Variants in SNAPC1 observed in about 807,000 individuals in gnomAD.
SNAPC1 encodes the protein small nuclear RNA activating complex polypeptide 1.
A neutral mutation model predicts 50.1 loss-of-function variants in SNAPC1; 42 were observed. That is an observed-to-expected ratio of 0.84 (90% CI 0.65 to 1.08). The LOEUF is 1.08. Ranked by LOEUF, SNAPC1 falls within the 50% of genes least tolerant of loss-of-function variation. The probability of loss-of-function intolerance (pLI) is 0.00; values close to 1 mark genes in which losing one functional copy is unlikely to be tolerated. For missense variants in SNAPC1, 477 were observed against 427.3 expected, an observed-to-expected ratio of 1.12 and a Z score of -1.02; for synonymous variants, 164 against 144.2, an observed-to-expected ratio of 1.14 and a Z score of -0.98.
chr14:61,791,346 A>G (rs182573327), intron 8 of SNAPC1, among the ~76,000 whole-genome samples: 7 of 152,308 alleles, frequency 4.6e-5, no homozygotes, highest in East Asian at 1.9e-4. Flanking sequence ...ATTTTTTGCT[A>G]TCTTTCTCAA....
chr14:61,792,159 C>T (rs190544332), intron 8 of SNAPC1, among the ~76,000 whole-genome samples: 350 of 148,744 alleles, frequency 2.4e-3, no homozygotes, highest in Middle Eastern at 0.018. Context: ...AGTGTTGGGG[C>T]AAAGAAAAAC....
chr14:61,777,684 A>T (rs1193242427), intron 5 of SNAPC1, among the ~76,000 whole-genome samples: 1 of 150,764 alleles, frequency 6.6e-6, no homozygotes, highest in Non-Finnish European at 1.5e-5. Flanking sequence ...GCCTCAAGCG[A>T]TCCTCCCACC....
chr14:61,795,104 A>G lies in SNAPC1; in HGVS notation c.*121A>G. ...AAATCCTTCTGGGAATCTGTAGGTT[A>G]TTTCTTGGAAATTGCAATACGTAGT... is the stretch of plus-strand genomic sequence containing the variant. On this transcript the variant is annotated 3_prime_UTR_variant, in exon 10 of 10. Transcript: ENST00000216294. The G allele has an allele frequency of 1.6e-6, 1 of 629,342 alleles. No individual in the cohort carries two copies. The highest frequency in any genetic ancestry group is 2.3e-5 in the South Asian group (1 of 42,934). The allele number at this position is 629,342 out of a possible 1,614,324, so 39.0% of individuals were successfully genotyped here.
chr14:61,770,361 A>C (rs962134338), intron 4 of SNAPC1, among the ~76,000 whole-genome samples: 2 of 151,318 alleles, frequency 1.3e-5, no homozygotes, highest in African/African-American at 4.9e-5. Flanking sequence ...TTGTGTCTCA[A>C]CCCACTGAGT....
chr14:61,774,773 C>G (rs2045022623), intron 4 of SNAPC1, among the ~76,000 whole-genome samples: 1 of 148,704 alleles, frequency 6.7e-6, no homozygotes, highest in Admixed American at 6.9e-5. Flanking sequence ...CAGTGATTCT[C>G]CTGCCTCAGC....
intron 4 of SNAPC1, among the ~76,000 whole-genome samples, chr14:61,774,648 A>ATTTCT (rs1172798543): frequency 0.012 from 1,121 of 90,870 alleles, 78 homozygotes; most frequent in African/African-American, 0.034. Flanking sequence ...TCAGTTTCTC[A>ATTTCT]TTTTTTTTTT....
chr14:61,783,926 A>G (rs2045096825), intron 8 of SNAPC1, among the ~76,000 whole-genome samples: 1 of 152,176 alleles, frequency 6.6e-6, no homozygotes, highest in Non-Finnish European at 1.5e-5. Context: ...TTAAGGTGAG[A>G]AAAAAAGGAG....
chr14:61,772,821 T>TA (rs1374348154), intron 4 of SNAPC1, among the ~76,000 whole-genome samples: 7 of 152,234 alleles, frequency 4.6e-5, no homozygotes, highest in Non-Finnish European at 8.8e-5. Flanking sequence ...TCTACTCTTT[T>TA]AGAGTGAATA....
intron 1 of SNAPC1, among the ~76,000 whole-genome samples, chr14:61,764,302 T>C (rs907503698): frequency 2.0e-5 from 3 of 152,246 alleles, no homozygotes; most frequent in Non-Finnish European, 4.4e-5. Context: ...TTAAACCTTA[T>C]GATTAAAACT....
chr14:61,782,965 A>G (rs2045087264), intron 8 of SNAPC1, among the ~76,000 whole-genome samples: 1 of 151,924 alleles, frequency 6.6e-6, no homozygotes, highest in South Asian at 2.1e-4. Context: ...CTAAAGTGAT[A>G]TATCAATTAA....
intron 8 of SNAPC1, among the ~76,000 whole-genome samples, chr14:61,788,681 AGT>A (rs1289964457): frequency 2.0e-5 from 3 of 152,332 alleles, no homozygotes; most frequent in East Asian, 1.9e-4. Context: ...TGATAATGAA[AGT>A]GTGAGGAAAT....
rs2045183659 is a variant in SNAPC1, at chr14:61,795,625, T to G, written c.*642T>G. 6.6e-6 allele frequency: 1 copy of G among 152,216 alleles called. No individual in the cohort carries two copies. The highest frequency in any genetic ancestry group is 6.5e-5 in the Admixed American group (1 of 15,280). The allele number at this position is 152,216 out of a possible 1,614,324, so 9.4% of individuals were successfully genotyped here. A position where few individuals can be genotyped will look rare whatever the true frequency, so the allele number is the denominator to read the frequency against. On this transcript the variant is annotated 3_prime_UTR_variant, in exon 10 of 10. Coordinates refer to ENST00000216294, the MANE Select transcript of SNAPC1 (RefSeq NM_003082.4). ...AACAAGTACTTAAATACTAATGTAT[T>G]AAGTATTTAAGTACTTTCTAATAAA... is the stretch of plus-strand genomic sequence containing the variant.
At chr14:61,792,973 C>A in intron 9 of SNAPC1, 71 bp downstream of exon 9, 1 of 717,008 alleles carries the variant, frequency 1.4e-6, no homozygotes, top group Non-Finnish European at 2.4e-6. Context: ...GGTTTAGAAC[C>A]CTTGAGGAAC....
chr14:61,766,400 C>CT (rs1234467162), intron 1 of SNAPC1, among the ~76,000 whole-genome samples: 1 of 152,220 alleles, frequency 6.6e-6, no homozygotes, highest in African/African-American at 2.4e-5. Flanking sequence ...ATAAATGACC[C>CT]TGTCTCCTTT....
At chr14:61,775,401 G>A (rs532976202) in intron 4 of SNAPC1, among the ~76,000 whole-genome samples, 6 of 151,878 alleles carry the variant, frequency 4.0e-5, no homozygotes, top group South Asian at 4.2e-4. Context: ...GATTACAGGC[G>A]CCCACCCCCA....
intron 8 of SNAPC1, among the ~76,000 whole-genome samples, chr14:61,792,143 G>A (rs1187987505): frequency 6.6e-6 from 1 of 150,522 alleles, no homozygotes; most frequent in Non-Finnish European, 1.5e-5. Context: ...CATATCAAAT[G>A]ATAAAAGTGT....
At chr14:61,773,942 C>G (rs1410391973) in intron 4 of SNAPC1, among the ~76,000 whole-genome samples, 1 of 152,016 alleles carries the variant, frequency 6.6e-6, no homozygotes, top group Non-Finnish European at 1.5e-5. Context: ...CTCCTGACCT[C>G]AGGTGATCCG....
intron 7 of SNAPC1, 45 bp from the exon 8 acceptor site, chr14:61,782,202 G>T: frequency 7.3e-7 from 1 of 1,365,990 alleles, no homozygotes; most frequent in East Asian, 2.4e-5. Flanking sequence ...TTATCATTTG[G>T]ATTCATTTTA....
chr14:61,762,825 C>G (rs1185913602), intron 1 of SNAPC1, among the ~76,000 whole-genome samples: 9 of 151,892 alleles, frequency 5.9e-5, no homozygotes. Flanking sequence ...TGCCTGGCCT[C>G]CCTTCTAAAC....
Sources: allele counts gnomAD v4.1 joint callset (sites outside exome capture counted in the v4.1 genomes callset), GRCh38; gene constraint gnomAD v4.1.1; transcripts MANE v1.5; gene names NCBI Gene and HGNC (gene_info 2026-07-23, HGNC 2026-07-21).